CLCN6: variants seen among roughly 807,000 people sequenced by gnomAD.
CLCN6 encodes the protein Cl-/H+ antiporter 6, also known as H(+)/Cl(-) exchange transporter 6.
In CLCN6, 70 loss-of-function variants were observed where a neutral mutation model predicts 109.8. The ratio of observed to expected loss-of-function variants is 0.64; its 90% CI spans 0.53 to 0.78. The LOEUF (loss-of-function observed/expected upper bound fraction) is 0.78, where lower values mean the gene tolerates loss of function less well. Among genes scored for constraint, CLCN6 ranks in the 30% least tolerant of loss-of-function variants. The pLI is 0.00. For missense variants in CLCN6, 984 were observed against 1,142.3 expected, an observed-to-expected ratio of 0.86 and a Z score of 2.00; for synonymous variants, 444 against 447.8, an observed-to-expected ratio of 0.99 and a Z score of 0.11.
intron 4 of CLCN6, 72 bp downstream of exon 4, chr1:11,816,752 G>A (rs1270627683): frequency 2.8e-6 from 3 of 1,057,162 alleles, no homozygotes; most frequent in Non-Finnish European, 4.2e-6. Flanking sequence ...CCCTGGCCTG[G>A]TGAATAACAT....
At chr1:11,811,647 G>C (rs1253636772) in intron 2 of CLCN6, among the ~76,000 whole-genome samples, 1 of 152,162 alleles carries the variant, frequency 6.6e-6, no homozygotes, top group Non-Finnish European at 1.5e-5. Context: ...CTCCCAAAGT[G>C]CTGGGATTAC....
chr1:11,817,455 C>T (rs936050288), intron 4 of CLCN6, among the ~76,000 whole-genome samples: 4 of 152,070 alleles, frequency 2.6e-5, no homozygotes, highest in Admixed American at 6.6e-5. Flanking sequence ...GGGATATGCC[C>T]GTATGAACAG....
At chr1:11,833,793 T>A in intron 14 of CLCN6, 84 bp from the exon 15 acceptor site, 10 of 1,561,748 alleles carry the variant, frequency 6.4e-6, no homozygotes, top group Non-Finnish European at 8.7e-6. Context: ...GGGGAACTGG[T>A]ATGGGGTGTG....
At chr1:11,820,059 A>T (rs1013707003) in intron 5 of CLCN6, among the ~76,000 whole-genome samples, 1 of 152,260 alleles carries the variant, frequency 6.6e-6, no homozygotes, top group African/African-American at 2.4e-5. Flanking sequence ...ACAGTGGAAA[A>T]TGATAGAGAA....
At chr1:11,838,246 C>A in intron 20 of CLCN6, 89 bp from the exon 21 acceptor site, 1 of 1,146,082 alleles carries the variant, frequency 8.7e-7, no homozygotes, top group Non-Finnish European at 1.3e-6. Context: ...TGGAGCTGGG[C>A]ATATTCAGGC....
At chr1:11,807,798 T>C (rs1053770648) in intron 2 of CLCN6, among the ~76,000 whole-genome samples, 4 of 152,214 alleles carry the variant, frequency 2.6e-5, no homozygotes, top group African/African-American at 9.6e-5. Context: ...AACACCTTAC[T>C]AAGTATCTTT....
chr1:11,815,527 C>T (rs1211419150), intron 2 of CLCN6, among the ~76,000 whole-genome samples: 1 of 152,216 alleles, frequency 6.6e-6, no homozygotes, highest in African/African-American at 2.4e-5. Flanking sequence ...TCCAAAGTAG[C>T]TGGGACTACA....
intron 13 of CLCN6, among the ~76,000 whole-genome samples, chr1:11,831,015 T>C (rs987015687): frequency 6.6e-6 from 1 of 150,856 alleles, no homozygotes; most frequent in Non-Finnish European, 1.5e-5. Flanking sequence ...GTATTTTTAG[T>C]AGAGATGGTG....
intron 13 of CLCN6, among the ~76,000 whole-genome samples, chr1:11,831,971 T>C (rs1644889196): frequency 1.3e-5 from 2 of 152,260 alleles, no homozygotes; most frequent in African/African-American, 4.8e-5. Context: ...CCAACCTAAA[T>C]ACGTTCCTTT....
chr1:11,819,114 G>T (rs565935679), intron 4 of CLCN6, among the ~76,000 whole-genome samples: 1 of 152,322 alleles, frequency 6.6e-6, no homozygotes, highest in African/African-American at 2.4e-5. Context: ...TGTCATTAGT[G>T]TATTTTATGT....
intron 5 of CLCN6, 131 bp from the exon 6 acceptor site, chr1:11,822,564 A>T: frequency 3.5e-6 from 2 of 571,568 alleles, no homozygotes; most frequent in South Asian, 2.4e-5. Context: ...TTTTTAAAAA[A>T]TTTTTATATA....
chr1:11,827,430 C>CTTTTTTTTTTTTTTTTTTTTTTT (rs59015951), intron 10 of CLCN6, among the ~76,000 whole-genome samples: 22 of 105,022 alleles, frequency 2.1e-4, no homozygotes, highest in Non-Finnish European at 3.0e-4. Flanking sequence ...ACCGCTGTTA[C>CTTTTTTTTTTTTTTTTTTTTTTT]TTTTTTTTTT....
intron 5 of CLCN6, chr1:11,820,628 G>A (rs777758258): frequency 3.6e-5 from 13 of 362,962 alleles, no homozygotes; most frequent in Non-Finnish European, 4.7e-5. Context: ...TTAGCTGGGC[G>A]TGGCGGTGTG....
intron 2 of CLCN6, among the ~76,000 whole-genome samples, chr1:11,812,664 T>TTG (rs61487985): frequency 0.21 from 26,585 of 126,650 alleles, 3,071 homozygotes; most frequent in South Asian, 0.29. Context: ...CAAAGTATGT[T>TTG]TGTGTGTGTG....
Position 11,806,266 on chromosome 1 carries a change from G to T in CLCN6, c.4G>T (p.Ala2Ser). 6.8e-7 allele frequency: 1 copy of T among 1,468,522 alleles called. No homozygotes were observed. The highest frequency in any genetic ancestry group is 1.5e-5 in the African/African-American group (1 of 67,480). 91.0% of individuals were successfully genotyped at this position (1,468,522 alleles called of 1,614,324 possible). The change falls in exon 1 of 23, where the codon GCG becomes TCG. Residue 2 changes from alanine (A) to serine (S), a missense_variant. By Grantham distance (99) the Ala-to-Ser change is moderately conservative. Coordinates refer to ENST00000346436, the MANE Select transcript of CLCN6 (RefSeq NM_001286.5). ...AGAGTGGCAGTAAAGGAGGAAGATG[G>T]CGGGGTGCAGGGGGTCTCTGTGCTG... The part of the protein sequence containing the change: M[A>S]GCRGSLCCCC...
At position 11,837,118 on chromosome 1, in the gene CLCN6, C is replaced by T. The variant is rs535386591; in HGVS notation, c.2100C>T (p.Ala700=). The T allele has an allele frequency of 2.5e-5, 40 of 1,613,288 alleles. No homozygotes were observed. Among genetic ancestry groups the T allele is most frequent in the Non-Finnish European group, 3.1e-5 (36 of 1,180,020 alleles). The change falls in exon 19 of 23, where the codon GCC becomes GCT. Residue 700 remains alanine (A), a synonymous_variant. Coordinates refer to ENST00000346436, the MANE Select transcript of CLCN6 (RefSeq NM_001286.5). ...AGCACATCGCCTCTGAGGAGCCAGC[C>T]GAGAAGGAGGACCTCCTGCAGCAGA... The part of the protein sequence containing the change: ...CDEHIASEEP[A]EKEDLLQQML...
rs1191592378 is a variant in CLCN6 at position 11,835,932 on chromosome 1, G to C, written c.1794-35G>C. ...TTGCTCCCAGGGGCCTGCGGGCACTGTCATGAGGCTGGATGACTTGCCCTC... is the reference window on the plus strand; with the variant it reads ...TTGCTCCCAGGGGCCTGCGGGCACTCTCATGAGGCTGGATGACTTGCCCTC... On this transcript the variant is annotated intron_variant, in intron 17 of 22. Transcript: ENST00000346436. The C allele has an allele frequency of 1.1e-5, 17 of 1,597,798 alleles. No homozygotes were observed. In the African/African-American group the frequency reaches 1.2e-4, roughly 11 times the overall value.
chr1:11,835,327 G>A (rs1644930428), intron 17 of CLCN6, among the ~76,000 whole-genome samples: 1 of 152,150 alleles, frequency 6.6e-6, no homozygotes, highest in Admixed American at 6.5e-5. Flanking sequence ...GGCTGGAGTA[G>A]GGTGGCATGA....
At position 11,840,169 on chromosome 1, in the gene CLCN6, C is replaced by G. The variant is rs1280646936; in HGVS notation, c.2556C>G (p.Asn852Lys). ...GEIVGIITRHNLTYEFLQARL... is the reference protein window; with the variant it reads ...GEIVGIITRHKLTYEFLQARL... Reference sequence around the variant, plus strand: ...TCGTGGGGATCATCACACGGCACAACCTCACCTATGAATTTCTGCAGGCCC... The same window carrying G: ...TCGTGGGGATCATCACACGGCACAAGCTCACCTATGAATTTCTGCAGGCCC... Residue 852 changes from asparagine (N) to lysine (K), a missense_variant, in exon 23 of 23, where the codon AAC (asparagine) becomes AAG (lysine). Physicochemically the swap from Asn to Lys is moderately conservative, Grantham distance 94. Transcript: ENST00000346436. The G allele has an allele frequency of 8.1e-6, 13 of 1,613,844 alleles. No individual in the cohort carries two copies. The highest frequency in any genetic ancestry group is 1.1e-5 in the Non-Finnish European group (13 of 1,180,032).
Sources: gnomAD v4.1 joint callset for allele counts (sites outside exome capture counted in the v4.1 genomes callset) on GRCh38, gnomAD v4.1.1 for gene constraint, MANE v1.5 for transcripts, NCBI Gene and HGNC (gene_info 2026-07-23, HGNC 2026-07-21) for gene names.